The following KLF9 variants were observed in gnomAD, a reference collection of about 807,000 sequenced individuals.
KLF9 encodes the protein Krueppel-like factor 9.
In KLF9, 2 loss-of-function variants were observed where a neutral mutation model predicts 17.3. The ratio of observed to expected loss-of-function variants is 0.12; its 90% CI spans 0.05 to 0.36. The LOEUF is 0.36. KLF9 is among the 10% of genes least tolerant of loss of function. The pLI, the probability that KLF9 is intolerant of heterozygous loss-of-function variation, is 1.00. For missense variants in KLF9, 226 were observed against 333.2 expected (o/e 0.68, Z 2.51); for synonymous variants, 138 against 139.2 (o/e 0.99, Z 0.06).
chr9:70,413,391 G>A lies in KLF9; in HGVS notation c.-28C>T. 2 of 1,468,230 alleles carry A rather than the reference G, an allele frequency of 1.4e-6. No homozygotes were observed. Among genetic ancestry groups the A allele is most frequent in the African/African-American group, 1.4e-5 (1 of 71,282 alleles). 91.0% of individuals were successfully genotyped at this position (1,468,230 alleles called of 1,614,324 possible). On this transcript the variant is annotated 5_prime_UTR_variant, in exon 1 of 2. Transcript: ENST00000377126. The surrounding 1 kb of genome is among the most constrained non-coding windows in gnomAD (Gnocchi z 5.6). ...TGCGGGCGACGGCAGCCCAGGCGGC[G>A]CGGACAAACTTGGCGGTGGCTGCGG...
intron 1 of KLF9, among the ~76,000 whole-genome samples, chr9:70,390,729 G>A (rs2118907496): frequency 6.6e-6 from 1 of 152,124 alleles, no homozygotes; most frequent in Non-Finnish European, 1.5e-5. Context: ...ACTGGCTACT[G>A]GAGAAACCTG....
At chr9:70,398,591 C>T (rs1479570250) in intron 1 of KLF9, among the ~76,000 whole-genome samples, 2 of 151,508 alleles carry the variant, frequency 1.3e-5, no homozygotes, top group Non-Finnish European at 2.9e-5. Flanking sequence ...CGGGTTCAAG[C>T]AATTCTCGTG....
chr9:70,404,394 G>A (rs909962091), intron 1 of KLF9, among the ~76,000 whole-genome samples: 3 of 152,214 alleles, frequency 2.0e-5, no homozygotes, highest in East Asian at 1.9e-4. Flanking sequence ...GAGCTCAGGA[G>A]TTTGAGACCA....
chr9:70,393,015 T>C (rs888321671), intron 1 of KLF9, among the ~76,000 whole-genome samples: 8 of 152,194 alleles, frequency 5.3e-5, no homozygotes, highest in Admixed American at 3.9e-4. Context: ...CACAAGTTTC[T>C]CTGAGTTCTC....
At chr9:70,401,531 A>G (rs950967621) in intron 1 of KLF9, among the ~76,000 whole-genome samples, 1 of 151,786 alleles carries the variant, frequency 6.6e-6, no homozygotes, top group African/African-American at 2.4e-5. Flanking sequence ...TACTAAAAAT[A>G]CACAAATTAG....
intron 1 of KLF9, among the ~76,000 whole-genome samples, chr9:70,409,144 G>GTGTGTATATATATACA (rs2037288665): frequency 1.8e-5 from 1 of 55,496 alleles, no homozygotes; most frequent in Non-Finnish European, 4.5e-5. Context: ...ACATATATAT[G>GTGTGTATATATATACA]TATATGTATA....
Position 70,413,125 on chromosome 9 carries a change from G to A in KLF9, c.239C>T (p.Ser80Phe). The change falls in exon 1 of 2, where the codon TCC becomes TTC. Residue 80 changes from serine to phenylalanine, a missense_variant. Physicochemically the swap from Ser to Phe is radical, Grantham distance 155 (BLOSUM62 -2). Coordinates refer to ENST00000377126, the MANE Select transcript of KLF9 (RefSeq NM_001206.4). This position sits in a 1 kb window ranked among gnomAD's most constrained non-coding sequence, Gnocchi z 5.6. Reference sequence around the variant, plus strand: ...ACTTTCCAGACTGTCGCTGCACACGGAGGGGGTCTGGATGGGTCGGTACTT... The same window carrying A: ...ACTTTCCAGACTGTCGCTGCACACGAAGGGGGTCTGGATGGGTCGGTACTT... ...LNKYRPIQTP[S>F]VCSDSLESPD... 6.2e-7 allele frequency: 1 copy of A among 1,614,190 alleles called. No individual in the cohort carries two copies. Among genetic ancestry groups the A allele is most frequent in the Non-Finnish European group, 8.5e-7 (1 of 1,180,044 alleles).
chr9:70,407,750 G>A (rs1311186232), intron 1 of KLF9, among the ~76,000 whole-genome samples: 2 of 152,222 alleles, frequency 1.3e-5, no homozygotes, highest in Non-Finnish European at 2.9e-5. Context: ...CTGAAGAACA[G>A]TCTGGGCATC....
chr9:70,411,279 G>T (rs2037310651), intron 1 of KLF9, among the ~76,000 whole-genome samples: 2 of 152,198 alleles, frequency 1.3e-5, no homozygotes, highest in Admixed American at 1.3e-4. Flanking sequence ...CAAGGTGGCA[G>T]TGGGTGTCGA....
Position 70,413,107 on chromosome 9 carries a change from A to T in KLF9, c.257T>A (p.Leu86Gln). 1 of 1,614,188 alleles carries T rather than the reference A, an allele frequency of 6.2e-7. No homozygotes were observed. Among genetic ancestry groups the T allele is most frequent in the Non-Finnish European group, 8.5e-7 (1 of 1,180,030 alleles). Residue 86 changes from leucine (L) to glutamine (Q), a missense_variant, in exon 1 of 2, where the codon CTG (leucine) becomes CAG (glutamine). Coordinates refer to ENST00000377126, the MANE Select transcript of KLF9 (RefSeq NM_001206.4). The surrounding 1 kb of genome is among the most constrained non-coding windows in gnomAD (Gnocchi z 5.6). The stretch of plus-strand genomic sequence containing the variant: ...TCCCATATCCTCATCTGGACTTTCC[A>T]GACTGTCGCTGCACACGGAGGGGGT... ...IQTPSVCSDS[L>Q]ESPDEDMGSD...
chr9:70,395,037 G>A (rs2037175253), intron 1 of KLF9, among the ~76,000 whole-genome samples: 1 of 152,110 alleles, frequency 6.6e-6, no homozygotes, highest in African/African-American at 2.4e-5. Flanking sequence ...TTTTGCGGAA[G>A]AACAAATAAT....
chr9:70,411,987 C>T (rs1312014944), intron 1 of KLF9, among the ~76,000 whole-genome samples: 1 of 152,034 alleles, frequency 6.6e-6, no homozygotes, highest in Non-Finnish European at 1.5e-5. Context: ...TCTCCAAAGC[C>T]CATTTTAAAA....
chr9:70,412,096 A>T (rs927572719), intron 1 of KLF9, among the ~76,000 whole-genome samples: 1 of 143,764 alleles, frequency 7.0e-6, no homozygotes, highest in South Asian at 2.2e-4. Context: ...ACCGCCCAAC[A>T]TTCATTACCA....
At position 70,412,186 on chromosome 9, in the gene KLF9, CAAAAAAAAAA is replaced by C. The variant is rs10644898; in HGVS notation, c.505+663_505+672del. ...GAGGGTGCGACCTAAGTCACATGGC[CAAAAAAAAAA>C]AAAAAAAAAAAAAAAAAAGTCAGCT... On this transcript the variant is annotated intron_variant, in intron 1 of 1. Transcript: ENST00000377126. Among the ~76,000 whole-genome samples, 14 of 47,122 alleles carry C rather than the reference CAAAAAAAAAA, an allele frequency of 3.0e-4. 1 individual carries two copies. Among genetic ancestry groups the C allele is most frequent in the South Asian group, 1.1e-3 (1 of 896 alleles). The allele number at this position is 47,122 out of a possible 152,430, so 30.9% of individuals were successfully genotyped here.
chr9:70,413,380 GC>G lies in KLF9; in HGVS notation c.-18del. Reference sequence around the variant, plus strand: ...CGCGGACATGGTGCGGGCGACGGCAGCCCAGGCGGCGCGGACAAACTTGGCG... The same window carrying G: ...CGCGGACATGGTGCGGGCGACGGCAGCCAGGCGGCGCGGACAAACTTGGCG... On this transcript the variant is annotated 5_prime_UTR_variant, in exon 1 of 2. Coordinates refer to ENST00000377126, the MANE Select transcript of KLF9 (RefSeq NM_001206.4). This position sits in a 1 kb window ranked among gnomAD's most constrained non-coding sequence, Gnocchi z 5.6. 1 of 1,479,968 alleles carries G rather than the reference GC, an allele frequency of 6.8e-7. No individual in the cohort carries two copies. 91.7% of individuals were successfully genotyped at this position (1,479,968 alleles called of 1,614,324 possible). A position where few individuals can be genotyped will look rare whatever the true frequency, so the allele number is the denominator to read the frequency against.
At chr9:70,403,747 C>T (rs761376059) in intron 1 of KLF9, among the ~76,000 whole-genome samples, 5 of 152,060 alleles carry the variant, frequency 3.3e-5, no homozygotes, top group Non-Finnish European at 5.9e-5. Context: ...AGCTTTGGGC[C>T]CACAACCAGG....
At chr9:70,389,293 G>A (rs938108425) in intron 1 of KLF9, among the ~76,000 whole-genome samples, 1 of 151,878 alleles carries the variant, frequency 6.6e-6, no homozygotes, top group African/African-American at 2.4e-5. Context: ...AACTAACATT[G>A]TTCTAAGCAT....
intron 1 of KLF9, among the ~76,000 whole-genome samples, chr9:70,400,452 A>G (rs929413683): frequency 6.6e-6 from 1 of 152,194 alleles, no homozygotes; most frequent in African/African-American, 2.4e-5. Context: ...CTCCCAGGGA[A>G]AGGAAAGGCA....
At chr9:70,404,015 A>T (rs2037241029) in intron 1 of KLF9, among the ~76,000 whole-genome samples, 1 of 152,098 alleles carries the variant, frequency 6.6e-6, no homozygotes, top group African/African-American at 2.4e-5. Flanking sequence ...ATTCATGCCC[A>T]ACTCCACCCA....
Sources: gnomAD v4.1 joint callset for allele counts (sites outside exome capture counted in the v4.1 genomes callset) on GRCh38, gnomAD v4.1.1 for gene constraint, Gnocchi (gnomAD v3.1) non-coding constraint, MANE v1.5 for transcripts, NCBI Gene and HGNC (gene_info 2026-07-23, HGNC 2026-07-21) for gene names.